ZRANB3: variants seen among roughly 807,000 people sequenced by gnomAD.
The protein encoded by ZRANB3 is DNA annealing helicase and endonuclease ZRANB3.
Under a neutral mutation model 133.8 loss-of-function variants are expected in ZRANB3, and 125 were observed. The observed-to-expected ratio is 0.93, with a 90% CI of 0.81 to 1.08. ZRANB3 has a LOEUF of 1.08. Ranked by LOEUF, ZRANB3 falls within the 50% of genes least tolerant of loss-of-function variation. The probability of loss-of-function intolerance (pLI) is 0.00; values close to 1 mark genes in which losing one functional copy is unlikely to be tolerated. For missense variants in ZRANB3, 1,229 were observed against 1,275.5 expected (o/e 0.96, Z 0.56); for synonymous variants, 387 against 432.7 (o/e 0.89, Z 1.31).
intron 1 of ZRANB3, among the ~76,000 whole-genome samples, chr2:135,528,928 T>C (rs949916296): frequency 6.6e-6 from 1 of 152,216 alleles, no homozygotes; most frequent in Non-Finnish European, 1.5e-5. Context: ...AAAGGTAGAA[T>C]GTAAAGAAGG....
At chr2:135,389,963 C>T (rs1258505925) in intron 3 of ZRANB3, among the ~76,000 whole-genome samples, 1 of 143,688 alleles carries the variant, frequency 7.0e-6, no homozygotes. Context: ...TCACTGCAAG[C>T]TCTGCCTCCT....
chr2:135,299,129 G>T (rs144479369), intron 8 of ZRANB3, among the ~76,000 whole-genome samples: 1 of 152,096 alleles, frequency 6.6e-6, no homozygotes, highest in East Asian at 1.9e-4. Context: ...CCATCAGGTC[G>T]CAGGGTTAGT....
At chr2:135,260,579 GTA>G (rs993203809) in intron 12 of ZRANB3, among the ~76,000 whole-genome samples, 18 of 146,830 alleles carry the variant, frequency 1.2e-4, no homozygotes, top group Admixed American at 7.6e-4. Context: ...ATATATTCAA[GTA>G]TATATATATT....
intron 1 of ZRANB3, among the ~76,000 whole-genome samples, chr2:135,519,708 C>T (rs1304519051): frequency 2.0e-5 from 3 of 152,186 alleles, no homozygotes; most frequent in African/African-American, 4.8e-5. Flanking sequence ...AATGTGTATT[C>T]GGTTGTTCAC....
chr2:135,255,178 G>A (rs988769207), intron 12 of ZRANB3, among the ~76,000 whole-genome samples: 4 of 152,016 alleles, frequency 2.6e-5, no homozygotes, highest in Admixed American at 2.6e-4. Flanking sequence ...GACCAAACCA[G>A]GATGGAGTAA....
At chr2:135,474,724 GC>G (rs1179160851) in intron 2 of ZRANB3, among the ~76,000 whole-genome samples, 1 of 152,122 alleles carries the variant, frequency 6.6e-6, no homozygotes, top group East Asian at 1.9e-4. Flanking sequence ...TTCATTTATA[GC>G]AATACTACAA....
chr2:135,411,984 T>G (rs376478043), intron 2 of ZRANB3, among the ~76,000 whole-genome samples: 12 of 152,190 alleles, frequency 7.9e-5, no homozygotes, highest in African/African-American at 2.9e-4. Context: ...TCAGTAACAT[T>G]TGGTACACTT....
intron 2 of ZRANB3, among the ~76,000 whole-genome samples, chr2:135,417,592 C>G (rs1428203768): frequency 1.3e-5 from 2 of 152,144 alleles, no homozygotes; most frequent in Non-Finnish European, 2.9e-5. Flanking sequence ...ACCATTTGAC[C>G]CAGCCATCCC....
intron 3 of ZRANB3, among the ~76,000 whole-genome samples, chr2:135,387,735 GT>G (rs914118769): frequency 3.3e-5 from 5 of 152,024 alleles, no homozygotes; most frequent in East Asian, 3.9e-4. Context: ...GAAGGTGGAA[GT>G]TTTTTTTAAG....
chr2:135,289,274 A>T (rs1217455250), intron 8 of ZRANB3, among the ~76,000 whole-genome samples: 1 of 151,848 alleles, frequency 6.6e-6, no homozygotes, highest in Non-Finnish European at 1.5e-5. Context: ...TTTTGTTTTT[A>T]AGACGGAGTC....
intron 3 of ZRANB3, among the ~76,000 whole-genome samples, chr2:135,378,064 G>T (rs181615557): frequency 1.6e-4 from 24 of 152,264 alleles, no homozygotes; most frequent in African/African-American, 5.8e-4. Context: ...TGGCTTCCTT[G>T]TTCCTCAGCC....
intron 3 of ZRANB3, among the ~76,000 whole-genome samples, chr2:135,365,735 T>C (rs915986918): frequency 1.3e-5 from 2 of 152,162 alleles, no homozygotes; most frequent in African/African-American, 4.8e-5. Context: ...ATAAGTTCAG[T>C]TGGAGATTTT....
chr2:135,442,189 A>G (rs1031756991), intron 2 of ZRANB3, among the ~76,000 whole-genome samples: 1 of 152,202 alleles, frequency 6.6e-6, no homozygotes, highest in Non-Finnish European at 1.5e-5. Flanking sequence ...GCCAAAATAG[A>G]CAAATGGGAT....
intron 2 of ZRANB3, among the ~76,000 whole-genome samples, chr2:135,481,389 GT>G (rs1384188240): frequency 1.3e-5 from 2 of 152,030 alleles, no homozygotes; most frequent in African/African-American, 4.8e-5. Context: ...TTTTTCATGT[GT>G]TTTTTGGCTA....
At chr2:135,283,844 T>C (rs896244841) in intron 8 of ZRANB3, among the ~76,000 whole-genome samples, 4 of 151,892 alleles carry the variant, frequency 2.6e-5, no homozygotes, top group Non-Finnish European at 5.9e-5. Flanking sequence ...AAGCCAGGCA[T>C]GATGGCTCAT....
intron 2 of ZRANB3, among the ~76,000 whole-genome samples, chr2:135,399,596 T>G (rs1687648866): frequency 6.6e-6 from 1 of 152,202 alleles, no homozygotes; most frequent in Admixed American, 6.5e-5. Context: ...GAAGATTTTC[T>G]TTAGACACTT....
chr2:135,384,576 T>C (rs541187756), intron 3 of ZRANB3, among the ~76,000 whole-genome samples: 5 of 152,294 alleles, frequency 3.3e-5, no homozygotes, highest in African/African-American at 4.8e-5. Flanking sequence ...CTGATGAACA[T>C]TGATGCAAAA....
At chr2:135,414,230 A>T (rs577384142) in intron 2 of ZRANB3, among the ~76,000 whole-genome samples, 1 of 152,292 alleles carries the variant, frequency 6.6e-6, no homozygotes, top group East Asian at 1.9e-4. Flanking sequence ...AGAGACACAC[A>T]TAGGCTCAAA....
chr2:135,231,166 A>T (rs1694995808), intron 12 of ZRANB3, among the ~76,000 whole-genome samples: 1 of 152,170 alleles, frequency 6.6e-6, no homozygotes, highest in African/African-American at 2.4e-5. Flanking sequence ...TGTGCCAAGC[A>T]TTTAACATAT....
Sources: allele counts gnomAD v4.1 joint callset (sites outside exome capture counted in the v4.1 genomes callset), GRCh38; gene constraint gnomAD v4.1.1; transcripts MANE v1.5; gene names NCBI Gene and HGNC (gene_info 2026-07-23, HGNC 2026-07-21).